SHQ1: variants seen among roughly 807,000 people sequenced by gnomAD.
The protein encoded by SHQ1 is SHQ1, H/ACA ribonucleoprotein assembly factor.
SHQ1 carries 49 observed loss-of-function variants against 53.8 expected under a neutral mutation model. That is an observed-to-expected ratio of 0.91 (90% CI 0.72 to 1.16). The LOEUF (loss-of-function observed/expected upper bound fraction) is 1.16, where lower values mean the gene tolerates loss of function less well. SHQ1 is among the 50% of genes most tolerant of loss of function. The pLI, the probability that SHQ1 is intolerant of heterozygous loss-of-function variation, is 0.00. For synonymous variants in SHQ1, 243 were observed against 251.0 expected (o/e 0.97, Z 0.30); for missense variants, 738 against 683.1 (o/e 1.08, Z -0.90).
At chr3:72,753,141 T>G in intron 10 of SHQ1, 6 of 985,436 alleles carry the variant, frequency 6.1e-6, no homozygotes, top group Non-Finnish European at 7.2e-6. Flanking sequence ...AAATCTGATG[T>G]GACAACTGAA....
chr3:72,742,619 C>CTTTT, the SHQ1 span, among the ~76,000 whole-genome samples: 749 of 128,584 alleles, frequency 5.8e-3, 14 homozygotes, highest in Non-Finnish European at 8.1e-3. Flanking sequence ...TTCTTTTTTT[C>CTTTT]TTTTTTTTTT....
chr3:72,744,020 T>C, the SHQ1 span, among the ~76,000 whole-genome samples: 4 of 152,082 alleles, frequency 2.6e-5, no homozygotes, highest in Non-Finnish European at 5.9e-5. Flanking sequence ...AACATCAAGA[T>C]GGGAAAACAC....
chr3:72,793,106 T>A, intron 9 of SHQ1, 70 bp from the exon 10 acceptor site: 1 of 1,350,658 alleles, frequency 7.4e-7, no homozygotes, highest in Non-Finnish European at 1.0e-6. Context: ...AGGTAATATA[T>A]CTAAAGCAGC....
chr3:72,800,456 T>G (rs1706753489), intron 9 of SHQ1, among the ~76,000 whole-genome samples: 1 of 152,220 alleles, frequency 6.6e-6, no homozygotes, highest in Non-Finnish European at 1.5e-5. Context: ...ATGAAGCAGT[T>G]GGCCAAGATC....
intron 10 of SHQ1, among the ~76,000 whole-genome samples, chr3:72,764,242 G>A (rs1431931116): frequency 6.6e-6 from 1 of 152,066 alleles, no homozygotes; most frequent in Non-Finnish European, 1.5e-5. Flanking sequence ...GAGTGCAGTG[G>A]CGCAATCACA....
At chr3:72,726,878 G>A in the SHQ1 span, among the ~76,000 whole-genome samples, 3 of 152,184 alleles carry the variant, frequency 2.0e-5, no homozygotes, top group Non-Finnish European at 4.4e-5. Context: ...AAGCAACAGG[G>A]TTCTGCGCCT....
At chr3:72,760,457 T>G in intron 10 of SHQ1, among the ~76,000 whole-genome samples, 1 of 152,228 alleles carries the variant, frequency 6.6e-6, no homozygotes, top group East Asian at 1.9e-4. Context: ...AGAGATCCAC[T>G]GAAATTTCAT....
chr3:72,847,481 T>C (rs1708379488), intron 1 of SHQ1, among the ~76,000 whole-genome samples: 1 of 152,166 alleles, frequency 6.6e-6, no homozygotes, highest in South Asian at 2.1e-4. Context: ...TACACCATCA[T>C]AAAGCACTTA....
At chr3:72,728,088 A>C in the SHQ1 span, among the ~76,000 whole-genome samples, 1 of 152,158 alleles carries the variant, frequency 6.6e-6, no homozygotes, top group African/African-American at 2.4e-5. Flanking sequence ...CCACGATGGC[A>C]ACACACGGTG....
chr3:72,770,749 G>C (rs1003950174), intron 10 of SHQ1, among the ~76,000 whole-genome samples: 5 of 152,178 alleles, frequency 3.3e-5, no homozygotes, highest in Admixed American at 1.3e-4. Context: ...ACAGGAAAGA[G>C]GCAAATGTGT....
In SHQ1 at chr3:72,749,630, T is replaced by C. The variant is rs188600391; in HGVS notation, c.*654A>G. ...CGCAGGGTATACATACGCCAACACA[T>C]TGTACACTTTTGATACGTGCAGTTT... On this transcript the variant is annotated 3_prime_UTR_variant, in exon 11 of 11. Coordinates refer to ENST00000325599, the MANE Select transcript of SHQ1 (RefSeq NM_018130.3). 31 of 218,078 alleles carry C rather than the reference T, an allele frequency of 1.4e-4. No individual in the cohort carries two copies. Among genetic ancestry groups the C allele is most frequent in the Admixed American group, 5.2e-4 (9 of 17,280 alleles). The allele number at this position is 218,078 out of a possible 1,614,324, so 13.5% of individuals were successfully genotyped here.
intron 10 of SHQ1, among the ~76,000 whole-genome samples, chr3:72,755,523 T>C (rs1279182719): frequency 6.6e-6 from 1 of 152,224 alleles, no homozygotes; most frequent in Non-Finnish European, 1.5e-5. Context: ...AAAATAGCAT[T>C]GGTGTAGAAT....
At chr3:72,806,120 G>A (rs1206380728) in intron 9 of SHQ1, among the ~76,000 whole-genome samples, 1 of 152,084 alleles carries the variant, frequency 6.6e-6, no homozygotes, top group African/African-American at 2.4e-5. Flanking sequence ...CATATGAATG[G>A]GAAGAATGTA....
the SHQ1 span, among the ~76,000 whole-genome samples, chr3:72,734,843 C>T: frequency 1.1e-4 from 17 of 151,728 alleles, 1 homozygote; most frequent in African/African-American, 2.2e-4. Context: ...CATGCCTTTA[C>T]GACACAAGTA....
chr3:72,759,615 TG>T (rs1327645959), intron 10 of SHQ1, among the ~76,000 whole-genome samples: 1 of 152,110 alleles, frequency 6.6e-6, no homozygotes, highest in East Asian at 1.9e-4. Context: ...CACTTGTACC[TG>T]GGAGGCGGAG....
At chr3:72,832,619 T>C (rs372391477) in intron 4 of SHQ1, 138 bp from the exon 5 acceptor site, 1 of 611,724 alleles carries the variant, frequency 1.6e-6, no homozygotes, top group Admixed American at 3.3e-5. Context: ...GACATTTAGA[T>C]TCAAATCCAA....
chr3:72,760,661 G>C (rs930350548), intron 10 of SHQ1, among the ~76,000 whole-genome samples: 1 of 152,138 alleles, frequency 6.6e-6, no homozygotes, highest in Non-Finnish European at 1.5e-5. Flanking sequence ...CTGCTTACAG[G>C]GTAGTTGTTA....
the SHQ1 span, among the ~76,000 whole-genome samples, chr3:72,730,511 G>A: frequency 6.6e-6 from 1 of 152,186 alleles, no homozygotes; most frequent in Non-Finnish European, 1.5e-5. Context: ...AAAGGAACCA[G>A]AGCCAACGGA....
intron 10 of SHQ1, among the ~76,000 whole-genome samples, chr3:72,756,114 G>T (rs1353429534): frequency 6.6e-6 from 1 of 152,120 alleles, no homozygotes; most frequent in Non-Finnish European, 1.5e-5. Context: ...GCCCAGGCTG[G>T]TCTCCAACTC....
Sources: allele counts gnomAD v4.1 joint callset (sites outside exome capture counted in the v4.1 genomes callset), GRCh38; gene constraint gnomAD v4.1.1; transcripts MANE v1.5; gene names NCBI Gene and HGNC (gene_info 2026-07-23, HGNC 2026-07-21).